Variants in EGFL6 observed in about 807,000 individuals in gnomAD.
EGFL6 encodes the protein epidermal growth factor-like protein 6.
EGFL6 carries 42 observed loss-of-function variants against 43.1 expected under a neutral mutation model. The observed-to-expected ratio is 0.98, with a 90% CI of 0.76 to 1.26. The LOEUF (loss-of-function observed/expected upper bound fraction) is 1.26, where lower values mean the gene tolerates loss of function less well. Among genes scored for constraint, EGFL6 ranks in the 50% most tolerant of loss-of-function variants. The probability of loss-of-function intolerance (pLI) is 0.00; values close to 1 mark genes in which losing one functional copy is unlikely to be tolerated. For synonymous variants in EGFL6, 164 were observed against 163.2 expected (o/e 1.01, Z -0.04); for missense variants, 429 against 427.8 (o/e 1.00, Z -0.02).
At chrX:13,586,334 A>T (rs2045533467) in intron 1 of EGFL6, among the ~76,000 whole-genome samples, 1 of 112,286 alleles carries the variant, frequency 8.9e-6, no homozygotes, top group African/African-American at 3.2e-5. Flanking sequence ...ACAGTCGGGC[A>T]GTTCTTCAGA....
intron 9 of EGFL6, among the ~76,000 whole-genome samples, chrX:13,622,692 T>A (rs2045754841): frequency 8.9e-6 from 1 of 112,455 alleles, no homozygotes; most frequent in Non-Finnish European, 1.9e-5. Context: ...CTTTCACAAC[T>A]ATTCAACTCC....
At chrX:13,569,972 C>T in intron 1 of EGFL6, 37 bp downstream of exon 1, 1 of 1,190,746 alleles carries the variant, frequency 8.4e-7, no homozygotes, top group Non-Finnish European at 1.1e-6. Context: ...CCCCCCACCC[C>T]CGGCCTGAGG....
chrX:13,616,063 CTTAGA>C (rs1398265935), intron 7 of EGFL6, among the ~76,000 whole-genome samples: 1 of 111,481 alleles, frequency 9.0e-6, no homozygotes, highest in East Asian at 2.8e-4. Flanking sequence ...CTTGCTTAGT[CTTAGA>C]TTAGTACATG....
intron 4 of EGFL6, 52 bp downstream of exon 4, chrX:13,600,146 T>G (rs1482584904): frequency 1.8e-6 from 2 of 1,142,348 alleles, no homozygotes; most frequent in Non-Finnish European, 2.3e-6. Flanking sequence ...GCTTGGCTTT[T>G]GCCATTTGAT....
intron 11 of EGFL6, among the ~76,000 whole-genome samples, chrX:13,630,476 G>T (rs1050944145): frequency 9.0e-6 from 1 of 111,006 alleles, no homozygotes; most frequent in Non-Finnish European, 1.9e-5. Flanking sequence ...TGCTGTGAGG[G>T]GTCTGCTGTT....
chrX:13,617,018 C>T lies in EGFL6; in HGVS notation c.779-712C>T, dbSNP rs368772155. Among the ~76,000 whole-genome samples the T allele has an allele frequency of 4.7e-4, 51 of 108,400 alleles. No homozygotes were observed. The South Asian group carries it at 0.019, about 39-fold the overall frequency. The allele number at this position is 108,400 out of a possible 115,157, so 94.1% of individuals were successfully genotyped here. On this transcript the variant is annotated intron_variant, in intron 7 of 11. Coordinates refer to ENST00000361306, the MANE Select transcript of EGFL6 (RefSeq NM_015507.4). ...CCGAGTAGCTGGGACTACAGGCGCC[C>T]GCCACCGCGCCCGGCTAATTTTTTG...
intron 4 of EGFL6, 141 bp downstream of exon 4, chrX:13,600,235 G>GTTTC (rs1257956476): frequency 3.2e-6 from 1 of 311,094 alleles, no homozygotes; most frequent in East Asian, 7.3e-5. Flanking sequence ...TGTGGCACTT[G>GTTTC]TTTCTTTCTT....
chrX:13,580,178 C>A (rs2045497735), intron 1 of EGFL6, among the ~76,000 whole-genome samples: 1 of 111,765 alleles, frequency 8.9e-6, no homozygotes, highest in South Asian at 3.8e-4. Flanking sequence ...TGTTACTCTT[C>A]CCTTCTTCAA....
At position 13,633,183 on chromosome X, in the gene EGFL6, C is replaced by T. The variant is rs958316467; in HGVS notation, c.*88C>T. 9 of 758,786 alleles carry T rather than the reference C, an allele frequency of 1.2e-5. No homozygotes were observed. Among genetic ancestry groups the T allele is most frequent in the Admixed American group, 4.0e-5 (1 of 24,787 alleles). The allele number at this position is 758,786 out of a possible 1,213,427, so 62.5% of individuals were successfully genotyped here. On this transcript the variant is annotated 3_prime_UTR_variant, in exon 12 of 12. Transcript: ENST00000361306. ...TAGGACCTCTGGCATTTTAGAATTA[C>T]TAGCTGAAAAATTGTAATGTACCAA...
chrX:13,598,971 A>T (rs2045617659), intron 3 of EGFL6, among the ~76,000 whole-genome samples: 1 of 104,763 alleles, frequency 9.5e-6, no homozygotes, highest in Admixed American at 1.1e-4. Flanking sequence ...TTTTTAAATC[A>T]TCCAGCCCAA....
At chrX:13,577,364 T>C (rs1255856233) in intron 1 of EGFL6, among the ~76,000 whole-genome samples, 1 of 86,631 alleles carries the variant, frequency 1.2e-5, no homozygotes. Flanking sequence ...ACACATACAG[T>C]ATAGCATTTC....
intron 11 of EGFL6, among the ~76,000 whole-genome samples, chrX:13,629,114 T>C (rs766341638): frequency 8.9e-6 from 1 of 112,953 alleles, no homozygotes; most frequent in South Asian, 3.6e-4. Context: ...TCTTCCCCTC[T>C]GAGGTAAAAG....
In EGFL6 at chrX:13,632,977, A is replaced by G; in HGVS notation, c.1552-8A>G. On this transcript the variant is annotated splice_region_variant and splice_polypyrimidine_tract_variant and intron_variant, in intron 11 of 11. Transcript: ENST00000361306. ...GGAGTAATTTTTTTATTCTCTCTCC[A>G]TTATTAGATCATTTTTGAAGCAGAA... 3 of 1,203,109 alleles carry G rather than the reference A, an allele frequency of 2.5e-6. No individual in the cohort carries two copies. The highest frequency in any genetic ancestry group is 3.4e-6 in the Non-Finnish European group (3 of 889,408).
rs2045728564 is a variant in EGFL6, at chrX:13,617,959, A to G, written c.1008A>G (p.Glu336=). ...GNSHGGKKGN[E]EKMKEGLEDE... is the part of the protein sequence containing the mutation. ...CTCATGGAGGTAAAAAAGGGAATGAAGAGAAAATGAAAGAGGGGCTTGAGG... is the reference window on the plus strand; with the variant it reads ...CTCATGGAGGTAAAAAAGGGAATGAGGAGAAAATGAAAGAGGGGCTTGAGG... Residue 336 remains glutamate, a synonymous_variant, in exon 8 of 12, where the codon GAA becomes GAG. Transcript: ENST00000361306. The G allele has an allele frequency of 2.5e-6, 3 of 1,212,114 alleles. No homozygotes were observed. In the East Asian group the frequency reaches 8.9e-5, roughly 36 times the overall value.
chrX:13,595,015 GT>G (rs762402740), intron 3 of EGFL6, 87 bp downstream of exon 3: 3 of 674,803 alleles, frequency 4.4e-6, no homozygotes, highest in Non-Finnish European at 6.4e-6. Flanking sequence ...ATTTCTTAGG[GT>G]TTTTTTAAAG....
chrX:13,576,962 G>C (rs1378934098), intron 1 of EGFL6, among the ~76,000 whole-genome samples: 1 of 110,638 alleles, frequency 9.0e-6, no homozygotes, highest in Non-Finnish European at 1.9e-5. Flanking sequence ...TAACTGACCT[G>C]TTTTCAATGT....
In EGFL6 at chrX:13,569,636, C is replaced by G; in HGVS notation, c.-226C>G. ...TCCAGCTTCATCCGCAGAGGAGCCT[C>G]GGCCAGGCTTGCCAGGGCGCCCCCA... On this transcript the variant is annotated 5_prime_UTR_variant, in exon 1 of 12. Transcript: ENST00000361306. The G allele has an allele frequency of 2.7e-6, 1 of 374,866 alleles. No homozygotes were observed. The highest frequency in any genetic ancestry group is 4.7e-6 in the Non-Finnish European group (1 of 213,221). The allele number at this position is 374,866 out of a possible 1,213,427, so 30.9% of individuals were successfully genotyped here. A position where few individuals can be genotyped will look rare whatever the true frequency, so the allele number is the denominator to read the frequency against.
At chrX:13,615,116 G>A (rs906636482) in intron 7 of EGFL6, among the ~76,000 whole-genome samples, 7 of 112,123 alleles carry the variant, frequency 6.2e-5, no homozygotes, top group South Asian at 3.7e-4. Flanking sequence ...AGAGAAAACC[G>A]TCATAATGTC....
intron 7 of EGFL6, 69 bp downstream of exon 7, chrX:13,608,515 C>G: frequency 8.8e-7 from 1 of 1,133,508 alleles, no homozygotes; most frequent in Admixed American, 2.3e-5. Flanking sequence ...CTCCTTCCTC[C>G]CTCTATTTCT....
Sources: gnomAD v4.1 joint callset for allele counts (sites outside exome capture counted in the v4.1 genomes callset) on GRCh38, gnomAD v4.1.1 for gene constraint, MANE v1.5 for transcripts, NCBI Gene and HGNC (gene_info 2026-07-23, HGNC 2026-07-21) for gene names.